EDIL3: variants seen among roughly 807,000 people sequenced by gnomAD.
The protein encoded by EDIL3 is EGF like and discoidin domains 3.
In EDIL3, 37 loss-of-function variants were observed where a neutral mutation model predicts 67.4. The ratio of observed to expected loss-of-function variants is 0.55; its 90% CI spans 0.42 to 0.72. EDIL3 has a LOEUF of 0.72. Ranked by LOEUF, EDIL3 falls within the 30% of genes least tolerant of loss-of-function variation. The pLI is 0.00. For missense variants in EDIL3, 527 were observed against 586.3 expected, an observed-to-expected ratio of 0.90 and a Z score of 1.04; for synonymous variants, 195 against 196.3, an observed-to-expected ratio of 0.99 and a Z score of 0.05.
At chr5:84,165,573 T>C (rs1748690575) in intron 4 of EDIL3, among the ~76,000 whole-genome samples, 1 of 152,110 alleles carries the variant, frequency 6.6e-6, no homozygotes, top group Non-Finnish European at 1.5e-5. Flanking sequence ...TGGGAAATAG[T>C]AGCTGACAAT....
chr5:84,091,430 T>C (rs1329201539), intron 6 of EDIL3, among the ~76,000 whole-genome samples: 1 of 152,248 alleles, frequency 6.6e-6, no homozygotes, highest in Non-Finnish European at 1.5e-5. Context: ...TTTCTACAAT[T>C]AAGTCTAACT....
At chr5:84,260,358 A>G (rs767451155) in intron 1 of EDIL3, among the ~76,000 whole-genome samples, 22 of 152,212 alleles carry the variant, frequency 1.4e-4, no homozygotes, top group Non-Finnish European at 2.4e-4. Flanking sequence ...AGCCCTCATG[A>G]TAGGTAAGAC....
rs1039095619 is a variant in EDIL3, at chr5:83,943,149, G to A, written c.*270C>T. The A allele has an allele frequency of 1.1e-5, 4 of 369,824 alleles. No individual in the cohort carries two copies. Among genetic ancestry groups the A allele is most frequent in the African/African-American group, 2.1e-5 (1 of 46,744 alleles). The allele number at this position is 369,824 out of a possible 1,614,324, so 22.9% of individuals were successfully genotyped here. On this transcript the variant is annotated 3_prime_UTR_variant, in exon 11 of 11. Transcript: ENST00000296591. Reference sequence around the variant, plus strand: ...TTCCCTAATATATTTCTACCAATGCGAATAATTCAGGAAACAATGAGAGAA... The same window carrying A: ...TTCCCTAATATATTTCTACCAATGCAAATAATTCAGGAAACAATGAGAGAA...
At chr5:83,948,567 G>T (rs1488835580) in intron 10 of EDIL3, among the ~76,000 whole-genome samples, 2 of 151,282 alleles carry the variant, frequency 1.3e-5, no homozygotes, top group African/African-American at 2.4e-5. Context: ...GTTCTACTTT[G>T]CCCTATATGC....
chr5:84,100,081 T>C (rs1747334479), intron 6 of EDIL3, among the ~76,000 whole-genome samples: 1 of 152,138 alleles, frequency 6.6e-6, no homozygotes, highest in Non-Finnish European at 1.5e-5. Context: ...AAACAACAGA[T>C]GCTGGAGTGG....
intron 4 of EDIL3, among the ~76,000 whole-genome samples, chr5:84,141,256 A>T (rs548262379): frequency 7.9e-4 from 119 of 151,226 alleles, no homozygotes; most frequent in African/African-American, 2.8e-3. Context: ...AATATCATTT[A>T]TAAGGTCTTG....
chr5:84,205,093 T>G (rs1743937634), intron 3 of EDIL3, among the ~76,000 whole-genome samples: 1 of 151,740 alleles, frequency 6.6e-6, no homozygotes, highest in Non-Finnish European at 1.5e-5. Context: ...TTTTTTTTTT[T>G]TTTGTAGAGA....
intron 6 of EDIL3, among the ~76,000 whole-genome samples, chr5:84,069,779 C>T (rs1746703787): frequency 6.6e-6 from 1 of 152,084 alleles, no homozygotes; most frequent in African/African-American, 2.4e-5. Context: ...AGGACAAACA[C>T]TAGTGTTTTC....
chr5:83,943,218 GATAAA>G lies in EDIL3; in HGVS notation c.*196_*200del. On this transcript the variant is annotated 3_prime_UTR_variant, in exon 11 of 11. Coordinates refer to ENST00000296591, the MANE Select transcript of EDIL3 (RefSeq NM_005711.5). ...GTGTTGTTACTTAAGAGATTTGACG[GATAAA>G]ATAAAATCAAATTAAATCATTGAAA... 1 of 592,692 alleles carries G rather than the reference GATAAA, an allele frequency of 1.7e-6. No individual in the cohort carries two copies. Among genetic ancestry groups the G allele is most frequent in the Non-Finnish European group, 2.8e-6 (1 of 351,634 alleles). 36.7% of individuals were successfully genotyped at this position (592,692 alleles called of 1,614,324 possible).
At chr5:84,356,667 A>G (rs538970344) in intron 1 of EDIL3, among the ~76,000 whole-genome samples, 35 of 152,252 alleles carry the variant, frequency 2.3e-4, no homozygotes, top group African/African-American at 7.9e-4. Flanking sequence ...CCTTTTATTC[A>G]GGGAAGAACA....
chr5:84,238,363 T>C (rs1744720022), intron 2 of EDIL3, among the ~76,000 whole-genome samples: 1 of 152,102 alleles, frequency 6.6e-6, no homozygotes, highest in Non-Finnish European at 1.5e-5. Flanking sequence ...TTTGGCTTAA[T>C]TAAAATATAT....
At chr5:84,048,368 G>GGGGAGGAGCC in intron 9 of EDIL3, 1 of 290,092 alleles carries the variant, frequency 3.4e-6, no homozygotes, top group South Asian at 2.7e-5. Context: ...ATCTGACATG[G>GGGGAGGAGCC]ACTAAATTAA....
At chr5:84,132,416 A>T (rs1580342098) in intron 5 of EDIL3, among the ~76,000 whole-genome samples, 2 of 117,960 alleles carry the variant, frequency 1.7e-5, no homozygotes, top group East Asian at 4.5e-4. Context: ...TTTAACATAT[A>T]TTATATATTT....
chr5:84,181,271 A>C (rs1749007589), intron 3 of EDIL3: 1 of 152,188 alleles, frequency 6.6e-6, no homozygotes, highest in Non-Finnish European at 1.5e-5. Flanking sequence ...CTTGGAGAAA[A>C]CCAGCTGCCA....
At chr5:84,110,173 T>C (rs350478) in intron 5 of EDIL3, among the ~76,000 whole-genome samples, 113,520 of 151,950 alleles carry the variant, frequency 0.75, 42,574 homozygotes, top group Middle Eastern at 0.78. Flanking sequence ...TTTTTTTGCT[T>C]CTAAACAGTA....
intron 10 of EDIL3, among the ~76,000 whole-genome samples, chr5:83,960,837 T>C (rs1292739815): frequency 6.6e-6 from 1 of 150,950 alleles, no homozygotes; most frequent in East Asian, 2.0e-4. Flanking sequence ...AGGCACTAAA[T>C]AGTAAGATGA....
chr5:84,005,678 T>A (rs1227473174), intron 9 of EDIL3, among the ~76,000 whole-genome samples: 1 of 151,966 alleles, frequency 6.6e-6, no homozygotes, highest in Non-Finnish European at 1.5e-5. Flanking sequence ...ATACCTCAAA[T>A]AATAAGAACG....
chr5:84,251,311 C>T (rs996906226), intron 2 of EDIL3, among the ~76,000 whole-genome samples: 2 of 151,812 alleles, frequency 1.3e-5, no homozygotes, highest in Non-Finnish European at 2.9e-5. Flanking sequence ...CAGGGTTTCA[C>T]TATGTTGGCC....
intron 1 of EDIL3, among the ~76,000 whole-genome samples, chr5:84,340,534 CTATATATATATATATA>C (rs776456328): frequency 4.2e-4 from 23 of 54,206 alleles, no homozygotes; most frequent in South Asian, 8.9e-4. Context: ...CTCTCTCTCT[CTATATATATATATATA>C]TATATATATA....
Sources: gnomAD v4.1 joint callset for allele counts (sites outside exome capture counted in the v4.1 genomes callset) on GRCh38, gnomAD v4.1.1 for gene constraint, MANE v1.5 for transcripts, NCBI Gene and HGNC (gene_info 2026-07-23, HGNC 2026-07-21) for gene names.